Variants in PPP3CB observed in about 807,000 individuals in gnomAD.
PPP3CB encodes the protein serine/threonine-protein phosphatase 2B catalytic subunit beta isoform.
A neutral mutation model predicts 66.4 loss-of-function variants in PPP3CB; 8 were observed. The observed-to-expected ratio is 0.12, with a 90% CI of 0.07 to 0.22. PPP3CB has a LOEUF of 0.22. PPP3CB is among the 10% of genes least tolerant of loss of function. The probability of loss-of-function intolerance (pLI) is 1.00; values close to 1 mark genes in which losing one functional copy is unlikely to be tolerated. For synonymous variants in PPP3CB, 208 were observed against 221.2 expected, an observed-to-expected ratio of 0.94 and a Z score of 0.53; for missense variants, 319 against 642.5, an observed-to-expected ratio of 0.50 and a Z score of 5.44.
intron 10 of PPP3CB, among the ~76,000 whole-genome samples, chr10:73,448,898 A>G (rs113688573): frequency 7.2e-5 from 11 of 152,254 alleles, no homozygotes; most frequent in Admixed American, 5.9e-4. Context: ...GTAGAACTCT[A>G]AAGTAAAGAT....
At chr10:73,466,577 A>C (rs1239111466) in intron 9 of PPP3CB, among the ~76,000 whole-genome samples, 1 of 152,198 alleles carries the variant, frequency 6.6e-6, no homozygotes, top group Admixed American at 6.5e-5. Context: ...CCCTTCTCAA[A>C]TGCTAAAGGG....
intron 12 of PPP3CB, among the ~76,000 whole-genome samples, chr10:73,441,371 G>C (rs952362897): frequency 6.6e-6 from 1 of 152,148 alleles, no homozygotes; most frequent in African/African-American, 2.4e-5. Flanking sequence ...GGATGGCTGA[G>C]GTGGAAGGAT....
At chr10:73,456,334 C>T (rs1463766675) in intron 9 of PPP3CB, among the ~76,000 whole-genome samples, 2 of 152,092 alleles carry the variant, frequency 1.3e-5, no homozygotes, top group African/African-American at 4.8e-5. Context: ...TGTAAGTGTT[C>T]AAAGATATGC....
At chr10:73,495,531 C>G in intron 1 of PPP3CB, 1 of 242,574 alleles carries the variant, frequency 4.1e-6, no homozygotes, top group South Asian at 9.1e-5. Flanking sequence ...GAAGAGAAAA[C>G]GGGCTCACTG....
chr10:73,439,974 G>A (rs2056119817), intron 12 of PPP3CB, 73 bp from the exon 13 acceptor site: 1 of 1,428,974 alleles, frequency 7.0e-7, no homozygotes, highest in Non-Finnish European at 9.8e-7. Flanking sequence ...CAGCAGAAAA[G>A]GCAATGATCA....
chr10:73,455,813 G>A (rs1039123077), intron 9 of PPP3CB, among the ~76,000 whole-genome samples: 8 of 152,012 alleles, frequency 5.3e-5, no homozygotes, highest in South Asian at 2.1e-4. Flanking sequence ...CTCGTGATCC[G>A]CCCACCTTGG....
intron 12 of PPP3CB, among the ~76,000 whole-genome samples, chr10:73,441,934 T>C (rs1254243944): frequency 6.6e-6 from 1 of 152,226 alleles, no homozygotes; most frequent in Admixed American, 6.5e-5. Flanking sequence ...CACGAGGTCT[T>C]AGAATTAAAA....
chr10:73,451,963 G>T (rs1018851116), intron 10 of PPP3CB, among the ~76,000 whole-genome samples: 2 of 151,354 alleles, frequency 1.3e-5, no homozygotes, highest in Non-Finnish European at 1.5e-5. Context: ...AGCCAGGATG[G>T]TCTTGATCTC....
At chr10:73,458,500 T>G (rs368956543) in intron 9 of PPP3CB, among the ~76,000 whole-genome samples, 9 of 151,978 alleles carry the variant, frequency 5.9e-5, no homozygotes, top group African/African-American at 9.7e-5. Flanking sequence ...AGCAAAGGAT[T>G]TGAAAATATA....
intron 10 of PPP3CB, among the ~76,000 whole-genome samples, chr10:73,451,939 GT>G (rs1265452761): frequency 6.6e-6 from 1 of 151,404 alleles, no homozygotes; most frequent in Non-Finnish European, 1.5e-5. Flanking sequence ...TAGAGACAGG[GT>G]TTCACCATGT....
At chr10:73,466,315 T>C (rs1814201288) in intron 9 of PPP3CB, among the ~76,000 whole-genome samples, 1 of 152,252 alleles carries the variant, frequency 6.6e-6, no homozygotes, top group Non-Finnish European at 1.5e-5. Context: ...TATTTCCTTA[T>C]GTGGGACTAT....
chr10:73,466,276 C>T (rs1018364438), intron 9 of PPP3CB, among the ~76,000 whole-genome samples: 14 of 152,164 alleles, frequency 9.2e-5, no homozygotes, highest in Non-Finnish European at 1.5e-5. Flanking sequence ...ATACTCATAG[C>T]ATAAATATTT....
chr10:73,447,488 G>A (rs188250597), intron 10 of PPP3CB, among the ~76,000 whole-genome samples: 1 of 152,238 alleles, frequency 6.6e-6, no homozygotes, highest in East Asian at 1.9e-4. Context: ...CCTTAGAGCC[G>A]TGCTTCAACA....
intron 1 of PPP3CB, among the ~76,000 whole-genome samples, chr10:73,481,457 T>C (rs2056876819): frequency 6.6e-6 from 1 of 150,484 alleles, no homozygotes; most frequent in African/African-American, 2.4e-5. Flanking sequence ...TGGTCGACAG[T>C]GAGACTCCAT....
rs145211037 is a variant in PPP3CB at position 73,464,167 on chromosome 10, A to G, written c.1108+3386T>C. Among the ~76,000 whole-genome samples, 4 of 152,152 alleles carry G rather than the reference A, an allele frequency of 2.6e-5. No individual in the cohort carries two copies. The East Asian group carries it at 7.7e-4, about 29-fold the overall frequency. On this transcript the variant is annotated intron_variant, in intron 9 of 13. Coordinates refer to ENST00000360663, the MANE Select transcript of PPP3CB (RefSeq NM_021132.4). Reference sequence around the variant, plus strand: ...TGGGTCTTGAACTCCTAACCTGATGATCCACCCACCTCAGCCTCCCAAAGT... The same window carrying G: ...TGGGTCTTGAACTCCTAACCTGATGGTCCACCCACCTCAGCCTCCCAAAGT...
chr10:73,478,351 A>T (rs2056824026), intron 3 of PPP3CB, 148 bp downstream of exon 3: 1 of 614,436 alleles, frequency 1.6e-6, no homozygotes. Context: ...AAGACAGAAC[A>T]GGAATAAATA....
chr10:73,451,127 TAAG>T (rs1279117801), intron 10 of PPP3CB, among the ~76,000 whole-genome samples: 2 of 152,040 alleles, frequency 1.3e-5, no homozygotes, highest in Non-Finnish European at 2.9e-5. Flanking sequence ...CTTATTATTA[TAAG>T]AAGAGGACTA....
rs563286594 is a variant in PPP3CB, at chr10:73,485,476, A to T, written c.86-5959T>A. Among the ~76,000 whole-genome samples the T allele has an allele frequency of 6.2e-4, 95 of 152,306 alleles. 1 individual carries two copies. Among genetic ancestry groups the T allele is most frequent in the South Asian group, 6.2e-4 (3 of 4,824 alleles). On this transcript the variant is annotated intron_variant, in intron 1 of 13. Transcript: ENST00000360663. ...AGGCCTCTGACTTCAACGGGGGTAC[A>T]GTCTGTGCCAAGTGAATAACTTGAC... is the stretch of plus-strand genomic sequence containing the variant.
At chr10:73,467,743 A>C in intron 8 of PPP3CB, 65 bp from the exon 9 acceptor site, 1 of 1,413,536 alleles carries the variant, frequency 7.1e-7, no homozygotes, top group Non-Finnish European at 9.6e-7. Context: ...AGCCTTAAAA[A>C]TATAAAATAC....
Sources: gnomAD v4.1 joint callset for allele counts (sites outside exome capture counted in the v4.1 genomes callset) on GRCh38, gnomAD v4.1.1 for gene constraint, MANE v1.5 for transcripts, NCBI Gene and HGNC (gene_info 2026-07-23, HGNC 2026-07-21) for gene names.